Variants in TEX264 observed in about 807,000 individuals in gnomAD.
TEX264 encodes testis-expressed protein 264.
Under a neutral mutation model 23.4 loss-of-function variants are expected in TEX264, and 13 were observed. The ratio of observed to expected loss-of-function variants is 0.56; its 90% CI spans 0.36 to 0.88. TEX264 has a LOEUF of 0.88. Ranked by LOEUF, TEX264 falls within the 40% of genes least tolerant of loss-of-function variation. The pLI is 0.01. For missense variants in TEX264, 340 were observed against 406.8 expected (o/e 0.84, Z 1.41); for synonymous variants, 159 against 170.0 (o/e 0.94, Z 0.50).
In TEX264 at chr3:51,704,147, A is replaced by G. The variant is rs191903990; in HGVS notation, c.*131A>G. On this transcript the variant is annotated 3_prime_UTR_variant, in exon 5 of 5. Transcript: ENST00000341333. Reference sequence around the variant, plus strand: ...TGAGGGACCTGACTTCCCCTGCTCCAGGCCTCTTGCTAAGCCTTCTCCTCA... The same window carrying G: ...TGAGGGACCTGACTTCCCCTGCTCCGGGCCTCTTGCTAAGCCTTCTCCTCA... 5 of 871,286 alleles carry G rather than the reference A, an allele frequency of 5.7e-6. No individual in the cohort carries two copies. The highest frequency in any genetic ancestry group is 7.8e-6 in the Non-Finnish European group (5 of 641,114). 54.0% of individuals were successfully genotyped at this position (871,286 alleles called of 1,614,324 possible).
chr3:51,699,265 G>A (rs1439589220), intron 3 of TEX264, 141 bp from the exon 4 acceptor site: 1 of 798,356 alleles, frequency 1.3e-6, no homozygotes, highest in Non-Finnish European at 2.0e-6. Context: ...CCTCAGCAGG[G>A]CTTTGGAACT....
chr3:51,696,664 C>T (rs1002963235), intron 3 of TEX264, among the ~76,000 whole-genome samples: 4 of 152,214 alleles, frequency 2.6e-5, no homozygotes, highest in African/African-American at 9.6e-5. Flanking sequence ...CAAGGGAGAG[C>T]AGTCTCCCAG....
chr3:51,684,420 C>G lies in TEX264; in HGVS notation c.266C>G (p.Pro89Arg). ...CATGCTTTGCTTCCCCAGGTGCCCCCTGATAAGTGCCGATGTGCCGTGGGC... is the reference window on the plus strand; with the variant it reads ...CATGCTTTGCTTCCCCAGGTGCCCCGTGATAAGTGCCGATGTGCCGTGGGC... ...VYYDNPHMVP[P>R]DKCRCAVGSI... Residue 89 changes from proline (P) to arginine (R), a missense_variant, in exon 3 of 5, where the codon CCT becomes CGT. Transcript: ENST00000341333. The G allele has an allele frequency of 6.2e-7, 1 of 1,614,088 alleles. No homozygotes were observed. Among genetic ancestry groups the G allele is most frequent in the Non-Finnish European group, 8.5e-7 (1 of 1,179,938 alleles).
intron 3 of TEX264, among the ~76,000 whole-genome samples, chr3:51,688,898 G>T (rs1219234704): frequency 6.6e-6 from 1 of 152,030 alleles, no homozygotes; most frequent in Admixed American, 6.6e-5. Context: ...AGCCTGAGGT[G>T]GGAGGATCAC....
At chr3:51,701,308 C>T (rs1222522351) in intron 4 of TEX264, among the ~76,000 whole-genome samples, 1 of 150,896 alleles carries the variant, frequency 6.6e-6, no homozygotes. Flanking sequence ...ATGCTACTTC[C>T]CCGTATTGCA....
At chr3:51,685,471 G>C (rs757282200) in intron 3 of TEX264, among the ~76,000 whole-genome samples, 17 of 152,210 alleles carry the variant, frequency 1.1e-4, no homozygotes, top group African/African-American at 3.9e-4. Context: ...AAAATAGGAC[G>C]TGTGCTAGAG....
chr3:51,700,679 G>GACCC (rs1703260676), intron 4 of TEX264, among the ~76,000 whole-genome samples: 2 of 148,488 alleles, frequency 1.3e-5, no homozygotes, highest in South Asian at 2.2e-4. Flanking sequence ...CCCCCTCCTT[G>GACCC]ACCCACCCAC....
Position 51,699,546 on chromosome 3 carries a change from G to A in TEX264, c.621G>A (p.Glu207=), listed in dbSNP as rs1158588006. The part of the protein sequence containing the change: ...ETEWKWRGLV[E]AIDTQVDGTG... Reference sequence around the variant, plus strand: ...AGTGGAAATGGCGGGGGCTTGTGGAGGCCATTGACACCCAGGTGGATGGCA... The same window carrying A: ...AGTGGAAATGGCGGGGGCTTGTGGAAGCCATTGACACCCAGGTGGATGGCA... The change falls in exon 4 of 5, where the codon GAG becomes GAA. Residue 207 remains glutamate, a synonymous_variant. Transcript: ENST00000341333. 1 of 1,614,040 alleles carries A rather than the reference G, an allele frequency of 6.2e-7. No individual in the cohort carries two copies. Among genetic ancestry groups the A allele is most frequent in the Non-Finnish European group, 8.5e-7 (1 of 1,179,926 alleles).
intron 4 of TEX264, among the ~76,000 whole-genome samples, chr3:51,701,251 G>A (rs1158348046): frequency 6.6e-6 from 1 of 151,888 alleles, no homozygotes; most frequent in East Asian, 1.9e-4. Flanking sequence ...ATGCAGGCAT[G>A]GGACTCTGGG....
At chr3:51,697,962 G>C (rs557082830) in intron 3 of TEX264, among the ~76,000 whole-genome samples, 23 of 152,298 alleles carry the variant, frequency 1.5e-4, no homozygotes, top group Non-Finnish European at 2.9e-4. Flanking sequence ...GAAGCATCAG[G>C]GCTAGGGTGT....
chr3:51,674,402 G>C lies in TEX264; in HGVS notation c.98G>C (p.Gly33Ala). 6.2e-7 allele frequency: 1 copy of C among 1,614,222 alleles called. No individual in the cohort carries two copies. Among genetic ancestry groups the C allele is most frequent in the Non-Finnish European group, 8.5e-7 (1 of 1,180,034 alleles). ...AFAGYSGLLAGVEVSAGSPPI... is the reference protein window; with the variant it reads ...AFAGYSGLLAAVEVSAGSPPI... The stretch of plus-strand genomic sequence containing the variant: ...GCCGGGTACTCAGGGCTACTGGCTG[G>C]GGTGGAAGTGAGTGCTGGGTCACCC... Residue 33 changes from glycine (G) to alanine (A), a missense_variant, in exon 2 of 5, where the codon GGG becomes GCG. Gly to Ala is a moderately conservative substitution (Grantham distance 60). Transcript: ENST00000341333.
rs76867178 is a variant in TEX264 at position 51,685,439 on chromosome 3, G to A, written c.480+805G>A. Reference sequence around the variant, plus strand: ...CAGCCATTCACAGTGAGGTGGTGAAGATAGGTAATAAATATCAGACAAAAA... The same window carrying A: ...CAGCCATTCACAGTGAGGTGGTGAAAATAGGTAATAAATATCAGACAAAAA... On this transcript the variant is annotated intron_variant, in intron 3 of 4. Coordinates refer to ENST00000341333, the MANE Select transcript of TEX264 (RefSeq NM_015926.6). Among the ~76,000 whole-genome samples, 427 of 152,350 alleles carry A rather than the reference G, an allele frequency of 2.8e-3. 3 individuals carry two copies. Among genetic ancestry groups the A allele is most frequent in the African/African-American group, 9.7e-3 (405 of 41,574 alleles).
chr3:51,700,839 T>C (rs185567840), intron 4 of TEX264, among the ~76,000 whole-genome samples: 9 of 149,102 alleles, frequency 6.0e-5, no homozygotes, highest in Admixed American at 5.3e-4. Flanking sequence ...CTCCCTGGTG[T>C]TGGGGCCAAG....
intron 2 of TEX264, among the ~76,000 whole-genome samples, chr3:51,681,163 C>T (rs1001412742): frequency 6.6e-6 from 1 of 152,148 alleles, no homozygotes; most frequent in Non-Finnish European, 1.5e-5. Flanking sequence ...GCTGCTGTGC[C>T]CCACACACCT....
At chr3:51,674,715 A>G (rs951055108) in intron 2 of TEX264, among the ~76,000 whole-genome samples, 153 bp downstream of exon 2, 1 of 152,158 alleles carries the variant, frequency 6.6e-6, no homozygotes, top group Non-Finnish European at 1.5e-5. Context: ...CACCTTCCAG[A>G]TTTAGCCTGG....
Position 51,691,604 on chromosome 3 carries a change from C to T in TEX264, c.480+6970C>T, listed in dbSNP as rs1702830905. ...TCAGGCAGAGATACTGGCTTGGTGG[C>T]AGTCATGGCTTGTGTATCCAGTGAG... On this transcript the variant is annotated intron_variant, in intron 3 of 4. Transcript: ENST00000341333. This position sits in a 1 kb window ranked among gnomAD's most constrained non-coding sequence, Gnocchi z 4.4. Among the ~76,000 whole-genome samples, 1 of 152,162 alleles carries T rather than the reference C, an allele frequency of 6.6e-6. No individual in the cohort carries two copies. The highest frequency in any genetic ancestry group is 2.1e-4 in the South Asian group (1 of 4,830).
At chr3:51,700,898 CG>C (rs1357708020) in intron 4 of TEX264, among the ~76,000 whole-genome samples, 1 of 152,136 alleles carries the variant, frequency 6.6e-6, no homozygotes, top group Admixed American at 6.5e-5. Context: ...CAGCGGGACT[CG>C]GTGTTTGCCC....
intron 2 of TEX264, among the ~76,000 whole-genome samples, chr3:51,677,339 G>A (rs1702264254): frequency 6.6e-6 from 1 of 152,174 alleles, no homozygotes; most frequent in Non-Finnish European, 1.5e-5. Context: ...TCCTGGAGTG[G>A]GCTGAGAACC....
chr3:51,685,346 T>G (rs1295375856), intron 3 of TEX264, among the ~76,000 whole-genome samples: 2 of 152,262 alleles, frequency 1.3e-5, no homozygotes, highest in Non-Finnish European at 2.9e-5. Flanking sequence ...TTCATTTAAC[T>G]TGTATTTATA....
Sources: gnomAD v4.1 joint callset for allele counts (sites outside exome capture counted in the v4.1 genomes callset) on GRCh38, gnomAD v4.1.1 for gene constraint, Gnocchi (gnomAD v3.1) non-coding constraint, MANE v1.5 for transcripts, NCBI Gene and HGNC (gene_info 2026-07-23, HGNC 2026-07-21) for gene names.